RNF13: variants seen among roughly 807,000 people sequenced by gnomAD.
RNF13 encodes the protein E3 ubiquitin-protein ligase RNF13.
Under a neutral mutation model 37.7 loss-of-function variants are expected in RNF13, and 19 were observed. The ratio of observed to expected loss-of-function variants is 0.50; its 90% confidence interval spans 0.35 to 0.74. RNF13 has a LOEUF of 0.74. Ranked by LOEUF, RNF13 falls within the 30% of genes least tolerant of loss-of-function variation. RNF13 has a pLI of 0.01. For missense variants in RNF13, 375 were observed against 453.0 expected, an observed-to-expected ratio of 0.83 and a Z score of 1.56; for synonymous variants, 144 against 157.8, an observed-to-expected ratio of 0.91 and a Z score of 0.65.
intron 3 of RNF13, among the ~76,000 whole-genome samples, chr3:149,860,245 G>C (rs1268147152): frequency 4.1e-5 from 4 of 98,172 alleles, no homozygotes; most frequent in African/African-American, 1.7e-4. Flanking sequence ...GCAACAGAGA[G>C]AGACTCCATC....
At chr3:149,870,838 T>C (rs527519711) in intron 3 of RNF13, among the ~76,000 whole-genome samples, 13 of 151,780 alleles carry the variant, frequency 8.6e-5, no homozygotes, top group African/African-American at 2.9e-4. Context: ...GGAGGAGAAA[T>C]TGCCAAATCC....
At chr3:149,818,577 C>A (rs1466691884) in intron 1 of RNF13, among the ~76,000 whole-genome samples, 1 of 152,110 alleles carries the variant, frequency 6.6e-6, no homozygotes, top group Admixed American at 6.5e-5. Flanking sequence ...TTAAATGTGG[C>A]ATGTATTAAG....
intron 8 of RNF13, chr3:149,939,205 A>G: frequency 7.9e-6 from 4 of 503,828 alleles, no homozygotes; most frequent in South Asian, 5.9e-5. Context: ...TTCTGATTTG[A>G]CTTCTGTGCA....
intron 4 of RNF13, among the ~76,000 whole-genome samples, chr3:149,891,000 A>G (rs947897385): frequency 6.6e-6 from 1 of 152,156 alleles, no homozygotes; most frequent in African/African-American, 2.4e-5. Flanking sequence ...TTTAAGATTA[A>G]TGTTATCTGC....
intron 8 of RNF13, chr3:149,939,029 C>T: frequency 2.1e-6 from 1 of 486,144 alleles, no homozygotes; most frequent in South Asian, 1.6e-5. Flanking sequence ...TTTGAATAAC[C>T]TCCTGGTCAG....
intron 8 of RNF13, among the ~76,000 whole-genome samples, chr3:149,923,464 G>T (rs1718341990): frequency 6.6e-6 from 1 of 151,998 alleles, no homozygotes; most frequent in South Asian, 2.1e-4. Context: ...CATTTTGTGT[G>T]TTTAAAAATA....
intron 3 of RNF13, among the ~76,000 whole-genome samples, chr3:149,852,876 GTA>G (rs976069202): frequency 2.6e-5 from 4 of 151,532 alleles, no homozygotes; most frequent in Non-Finnish European, 4.4e-5. Flanking sequence ...GTAGATGTAT[GTA>G]TGTGTGTGTA....
At chr3:149,839,771 AG>A (rs1475561423) in intron 1 of RNF13, among the ~76,000 whole-genome samples, 1 of 152,174 alleles carries the variant, frequency 6.6e-6, no homozygotes, top group African/African-American at 2.4e-5. Context: ...ATTTTTTTAA[AG>A]GATATCTAAT....
chr3:149,903,147 A>C (rs1008195612), intron 6 of RNF13, among the ~76,000 whole-genome samples: 6 of 152,136 alleles, frequency 3.9e-5, no homozygotes, highest in African/African-American at 1.4e-4. Flanking sequence ...AATACTGTTC[A>C]CATATTATAT....
chr3:149,823,288 A>G (rs1720172865), intron 1 of RNF13, among the ~76,000 whole-genome samples: 1 of 152,172 alleles, frequency 6.6e-6, no homozygotes, highest in Non-Finnish European at 1.5e-5. Context: ...TGTGAGGATT[A>G]AAATAAATAA....
intron 1 of RNF13, among the ~76,000 whole-genome samples, chr3:149,826,619 A>G (rs1423204236): frequency 6.6e-6 from 1 of 152,226 alleles, no homozygotes; most frequent in Non-Finnish European, 1.5e-5. Context: ...TCCTGTATAT[A>G]TTATGCAAAA....
chr3:149,927,799 T>C (rs902507455), intron 8 of RNF13, among the ~76,000 whole-genome samples: 3 of 152,220 alleles, frequency 2.0e-5, no homozygotes, highest in Non-Finnish European at 4.4e-5. Flanking sequence ...TTTCTTATTT[T>C]CAATTGGGTG....
chr3:149,950,387 A>T (rs1721203814), intron 8 of RNF13, among the ~76,000 whole-genome samples: 1 of 152,214 alleles, frequency 6.6e-6, no homozygotes, highest in African/African-American at 2.4e-5. Context: ...GGGTGAAAAG[A>T]ATTGCAGTAA....
intron 8 of RNF13, among the ~76,000 whole-genome samples, chr3:149,943,942 C>T (rs1246061817): frequency 6.6e-6 from 1 of 152,044 alleles, no homozygotes; most frequent in Non-Finnish European, 1.5e-5. Context: ...AGGTATATCT[C>T]CTAATGCTAT....
At chr3:149,822,086 C>T (rs1720041994) in intron 1 of RNF13, among the ~76,000 whole-genome samples, 1 of 152,112 alleles carries the variant, frequency 6.6e-6, no homozygotes, top group African/African-American at 2.4e-5. Flanking sequence ...GTGAGTTCTC[C>T]AGCTTTGTTC....
At chr3:149,945,309 G>C (rs950754734) in intron 8 of RNF13, among the ~76,000 whole-genome samples, 1 of 152,040 alleles carries the variant, frequency 6.6e-6, no homozygotes, top group African/African-American at 2.4e-5. Flanking sequence ...TTTGAGCCTT[G>C]GTCATTGCTA....
intron 7 of RNF13, among the ~76,000 whole-genome samples, chr3:149,919,801 T>G (rs1717935640): frequency 6.6e-6 from 1 of 152,192 alleles, no homozygotes; most frequent in South Asian, 2.1e-4. Context: ...TGTGTTTAGA[T>G]TCATAAGAAA....
intron 8 of RNF13, among the ~76,000 whole-genome samples, chr3:149,945,042 C>G (rs1009317059): frequency 3.3e-5 from 5 of 152,164 alleles, no homozygotes; most frequent in African/African-American, 1.2e-4. Context: ...AGCCAGTTTT[C>G]CCAGCACCAT....
At chr3:149,869,687 T>G (rs1711790960) in intron 3 of RNF13, among the ~76,000 whole-genome samples, 1 of 151,814 alleles carries the variant, frequency 6.6e-6, no homozygotes, top group African/African-American at 2.4e-5. Context: ...GGGATCATGG[T>G]TCCCTGCTTG....
Sources: gnomAD v4.1 joint callset for allele counts (sites outside exome capture counted in the v4.1 genomes callset) on GRCh38, gnomAD v4.1.1 for gene constraint, MANE v1.5 for transcripts, NCBI Gene and HGNC (gene_info 2026-07-23, HGNC 2026-07-21) for gene names.